Variants in BCL9 observed in about 807,000 individuals in gnomAD.
The protein encoded by BCL9 is BCL9 transcription coactivator.
A neutral mutation model predicts 88.5 loss-of-function variants in BCL9; 25 were observed. The ratio of observed to expected loss-of-function variants is 0.28; its 90% CI spans 0.21 to 0.39. The LOEUF (loss-of-function observed/expected upper bound fraction) is 0.39, where lower values mean the gene tolerates loss of function less well. Ranked by LOEUF, BCL9 falls within the 10% of genes least tolerant of loss-of-function variation. The pLI is 1.00. For synonymous variants in BCL9, 711 were observed against 673.3 expected (o/e 1.06, Z -0.87); for missense variants, 1,817 against 1,877.8 (o/e 0.97, Z 0.60).
intron 1 of BCL9, among the ~76,000 whole-genome samples, chr1:147,545,611 C>T (rs587767677): frequency 1.3e-5 from 2 of 152,320 alleles, no homozygotes; most frequent in South Asian, 4.1e-4. Context: ...TCTAGAGTCT[C>T]TAGTCCTGCT....
intron 5 of BCL9, 59 bp from the exon 6 acceptor site, chr1:147,614,368 A>G (rs2101612156): frequency 2.6e-6 from 4 of 1,545,762 alleles, no homozygotes; most frequent in Non-Finnish European, 3.6e-6. Context: ...GATGCTATAT[A>G]TGCTGGCAGA....
chr1:147,612,863 T>C lies in BCL9; in HGVS notation c.54-20T>C. On this transcript the variant is annotated intron_variant, in intron 4 of 9. Transcript: ENST00000234739. The stretch of plus-strand genomic sequence containing the variant: ...GCTGTATCTGGTGTCTGATCTTCCT[T>C]TGTTATTTGTTTCTTTTAGTAGCCC... 6.2e-7 allele frequency: 1 copy of C among 1,610,574 alleles called. No homozygotes were observed. The highest frequency in any genetic ancestry group is 8.5e-7 in the Non-Finnish European group (1 of 1,177,362).
At chr1:147,587,328 G>A (rs1656658258) in intron 1 of BCL9, among the ~76,000 whole-genome samples, 1 of 152,124 alleles carries the variant, frequency 6.6e-6, no homozygotes, top group Non-Finnish European at 1.5e-5. Context: ...ACCTAGCCCG[G>A]AGTCCACAGG....
rs1335422115 is a variant in BCL9, at chr1:147,620,427, C to G, written c.2272C>G (p.Leu758Val). ...ATTACGCCCAGGTGGCTCAGACATG[C>G]TGCCTGCTCAGCAGAAGATGGTGCC... is the stretch of plus-strand genomic sequence containing the variant. Reference protein sequence around the residue: ...LKLRPGGSDMLPAQQKMVPLP... With the variant: ...LKLRPGGSDMVPAQQKMVPLP... The change falls in exon 8 of 10, where the codon CTG becomes GTG. Residue 758 changes from leucine (L) to valine (V), a missense_variant. Coordinates refer to ENST00000234739, the MANE Select transcript of BCL9 (RefSeq NM_004326.4). 6.2e-7 allele frequency: 1 copy of G among 1,613,876 alleles called. No individual in the cohort carries two copies. Among genetic ancestry groups the G allele is most frequent in the Non-Finnish European group, 8.5e-7 (1 of 1,179,988 alleles).
chr1:147,607,794 CTA>C (rs1333022292), intron 3 of BCL9, among the ~76,000 whole-genome samples: 1 of 152,088 alleles, frequency 6.6e-6, no homozygotes, highest in African/African-American at 2.4e-5. Context: ...AGGAGGAAGG[CTA>C]TACACAGAAT....
At chr1:147,587,173 C>T (rs1322203507) in intron 1 of BCL9, among the ~76,000 whole-genome samples, 2 of 152,170 alleles carry the variant, frequency 1.3e-5, no homozygotes, top group East Asian at 3.9e-4. Context: ...CTCTTCCCCG[C>T]CCCCATAGCC....
chr1:147,592,130 T>C (rs946511198), intron 1 of BCL9, among the ~76,000 whole-genome samples: 5 of 152,184 alleles, frequency 3.3e-5, no homozygotes, highest in Non-Finnish European at 5.9e-5. Flanking sequence ...TCAATGACTG[T>C]GAATCAAGAG....
rs587672720 is a variant in BCL9 at position 147,569,645 on chromosome 1, G to A, written c.-478+27971G>A. Among the ~76,000 whole-genome samples, 126 of 139,366 alleles carry A rather than the reference G, an allele frequency of 9.0e-4. 1 individual carries two copies. The highest frequency in any genetic ancestry group is 2.8e-3 in the African/African-American group (102 of 36,756). 91.4% of individuals were successfully genotyped at this position (139,366 alleles called of 152,430 possible). ...AGCCTGGATAACAGAGTGAGACTCC[G>A]TCTCACAAAAAAAGAAGAGAAAAAG... On this transcript the variant is annotated intron_variant, in intron 1 of 9. Coordinates refer to ENST00000234739, the MANE Select transcript of BCL9 (RefSeq NM_004326.4).
At chr1:147,577,193 A>C (rs1553198179) in intron 1 of BCL9, among the ~76,000 whole-genome samples, 1 of 152,194 alleles carries the variant, frequency 6.6e-6, no homozygotes, top group African/African-American at 2.4e-5. Flanking sequence ...ATACCCAAGG[A>C]GTACACTAGC....
chr1:147,625,158 G>GT lies in BCL9; in HGVS notation c.*207dup, dbSNP rs1179536589. 2.6e-4 allele frequency: 158 copies of GT among 606,488 alleles called. No homozygotes were observed. The highest frequency in any genetic ancestry group is 1.2e-3 in the Admixed American group (34 of 28,468). 37.6% of individuals were successfully genotyped at this position (606,488 alleles called of 1,614,324 possible). ...AATTATTCATTTAATCAACAGGTGT[G>GT]TTTTTTTTAAGATTTATTTTTTAAA... On this transcript the variant is annotated 3_prime_UTR_variant, in exon 10 of 10. Transcript: ENST00000234739.
chr1:147,575,525 G>T (rs1473851689), intron 1 of BCL9, among the ~76,000 whole-genome samples: 6 of 152,136 alleles, frequency 3.9e-5, no homozygotes, highest in African/African-American at 1.4e-4. Flanking sequence ...AACTCTGTGT[G>T]ATTCTGTAGT....
chr1:147,586,731 GT>G (rs1455493548), intron 1 of BCL9, among the ~76,000 whole-genome samples: 5 of 152,092 alleles, frequency 3.3e-5, no homozygotes, highest in Non-Finnish European at 5.9e-5. Flanking sequence ...CGGCTATGCT[GT>G]TCTTTTACCC....
intron 1 of BCL9, among the ~76,000 whole-genome samples, chr1:147,542,062 G>C (rs587747791): frequency 2.0e-5 from 3 of 152,276 alleles, no homozygotes; most frequent in African/African-American, 7.2e-5. Context: ...GCTCCGAGCT[G>C]TGCATTCTCA....
At chr1:147,592,878 TG>T (rs1373794559) in intron 1 of BCL9, among the ~76,000 whole-genome samples, 5 of 152,020 alleles carry the variant, frequency 3.3e-5, no homozygotes, top group South Asian at 2.1e-4. Flanking sequence ...CTCCACTTTA[TG>T]GGGGAAAAAA....
chr1:147,560,006 T>C (rs1256133011), intron 1 of BCL9, among the ~76,000 whole-genome samples: 1 of 152,166 alleles, frequency 6.6e-6, no homozygotes, highest in Non-Finnish European at 1.5e-5. Context: ...ACTCTCTTCC[T>C]CTAGGATATG....
At chr1:147,621,904 C>T (rs190077207) in intron 8 of BCL9, among the ~76,000 whole-genome samples, 194 of 152,272 alleles carry the variant, frequency 1.3e-3, no homozygotes, top group East Asian at 5.8e-4. Context: ...CATACTAATA[C>T]CTGAGTCGAA....
At position 147,619,318 on chromosome 1, in the gene BCL9, CGCA is replaced by C; in HGVS notation, c.1168_1170del (p.Gln390del). ...TTCACAGGAGCACAAAGTGGGGGACCGCAGCAGAATCCTGGGGTATTAGATGGG... is the reference window on the plus strand; with the variant it reads ...TTCACAGGAGCACAAAGTGGGGGACCGCAGAATCCTGGGGTATTAGATGGG... On this transcript the variant is annotated inframe_deletion, in exon 8 of 10. Transcript: ENST00000234739. This position sits in a 1 kb window ranked among gnomAD's most constrained non-coding sequence, Gnocchi z 4.1. The C allele has an allele frequency of 1.2e-6, 2 of 1,613,998 alleles. No individual in the cohort carries two copies. The highest frequency in any genetic ancestry group is 1.7e-6 in the Non-Finnish European group (2 of 1,180,004).
At chr1:147,598,073 T>C (rs1426539758) in intron 1 of BCL9, among the ~76,000 whole-genome samples, 1 of 152,190 alleles carries the variant, frequency 6.6e-6, no homozygotes, top group Admixed American at 6.5e-5. Flanking sequence ...GTTCTGTGAG[T>C]TCCTTCTTTC....
intron 1 of BCL9, chr1:147,600,395 C>G (rs1009195860): frequency 4.0e-5 from 6 of 150,898 alleles, no homozygotes; most frequent in African/African-American, 1.5e-4. Flanking sequence ...TAGTGGGGGC[C>G]AGGTCCGCGT....
Sources: gnomAD v4.1 joint callset for allele counts (sites outside exome capture counted in the v4.1 genomes callset) on GRCh38, gnomAD v4.1.1 for gene constraint, Gnocchi (gnomAD v3.1) non-coding constraint, MANE v1.5 for transcripts, NCBI Gene and HGNC (gene_info 2026-07-23, HGNC 2026-07-21) for gene names.